The following ARMH4 variants were observed in gnomAD, a reference collection of about 807,000 sequenced individuals.
ARMH4 encodes the protein armadillo-like helical domain-containing protein 4.
In ARMH4, 49 loss-of-function variants were observed where a neutral mutation model predicts 61.9. The observed-to-expected ratio is 0.79, with a 90% CI of 0.63 to 1.00. The LOEUF (loss-of-function observed/expected upper bound fraction) is 1.00, where lower values mean the gene tolerates loss of function less well. Ranked by LOEUF, ARMH4 falls within the 50% of genes least tolerant of loss-of-function variation. The pLI is 0.00. For synonymous variants in ARMH4, 368 were observed against 341.5 expected, an observed-to-expected ratio of 1.08 and a Z score of -0.85; for missense variants, 934 against 930.0, an observed-to-expected ratio of 1.00 and a Z score of -0.06.
At chr14:58,074,131 G>A (rs567965065) in intron 5 of ARMH4, among the ~76,000 whole-genome samples, 1 of 152,314 alleles carries the variant, frequency 6.6e-6, no homozygotes, top group East Asian at 1.9e-4. Flanking sequence ...CTTGATTCAA[G>A]CTTTTGCTTA....
Position 58,009,827 on chromosome 14 carries a change from AAGAGAG to A in ARMH4, c.2121+2286_2121+2291del, listed in dbSNP as rs1325956245. Among the ~76,000 whole-genome samples, 938 of 131,582 alleles carry A rather than the reference AAGAGAG, an allele frequency of 7.1e-3. 35 individuals are homozygous for A. Among genetic ancestry groups the A allele is most frequent in the Middle Eastern group, 0.023 (6 of 260 alleles). The allele number at this position is 131,582 out of a possible 152,430, so 86.3% of individuals were successfully genotyped here. On this transcript the variant is annotated intron_variant, in intron 6 of 7. Coordinates refer to ENST00000267485, the MANE Select transcript of ARMH4 (RefSeq NM_001001872.4). ...CTCTGCAAAAAAAAAAAAAAAAAAA[AAGAGAG>A]AGAGAGAGAGATAACAAACTTCTAT...
intron 5 of ARMH4, among the ~76,000 whole-genome samples, chr14:58,071,492 T>C (rs1181362094): frequency 1.3e-5 from 2 of 152,242 alleles, no homozygotes; most frequent in African/African-American, 4.8e-5. Flanking sequence ...CAGTTCTTTA[T>C]TGCCAGTCAG....
In ARMH4 at chr14:58,005,076, C is replaced by A; in HGVS notation, c.2228G>T (p.Arg743Ile). 1.2e-6 allele frequency: 2 copies of A among 1,614,038 alleles called. No homozygotes were observed. The highest frequency in any genetic ancestry group is 1.7e-6 in the Non-Finnish European group (2 of 1,179,944). ...TCTTTTATGCCTTTTGAAGCCATTT[C>A]TCCTTCGGCGATTCATAACCTTAAT... Reference protein sequence around the residue: ...YSIKVMNRRRRNGFKRHKRKQ... With the variant: ...YSIKVMNRRRINGFKRHKRKQ... Residue 743 changes from arginine (R) to isoleucine (I), a missense_variant, in exon 7 of 8, where the codon AGA (arginine) becomes ATA (isoleucine). By Grantham distance (97) the Arg-to-Ile change is moderately conservative. Coordinates refer to ENST00000267485, the MANE Select transcript of ARMH4 (RefSeq NM_001001872.4).
chr14:58,018,691 A>G (rs963613575), intron 5 of ARMH4, among the ~76,000 whole-genome samples: 7 of 152,250 alleles, frequency 4.6e-5, no homozygotes, highest in African/African-American at 1.7e-4. Context: ...CAGTTGGTAC[A>G]GCCATTATAG....
chr14:58,137,861 A>T, intron 2 of ARMH4, 129 bp downstream of exon 2: 1 of 926,728 alleles, frequency 1.1e-6, no homozygotes, highest in Non-Finnish European at 1.6e-6. Flanking sequence ...TGCTGGGATT[A>T]TAGGCATGAG....
intron 5 of ARMH4, among the ~76,000 whole-genome samples, chr14:58,065,533 G>A (rs759061750): frequency 6.6e-6 from 1 of 152,214 alleles, no homozygotes; most frequent in Non-Finnish European, 1.5e-5. Context: ...CCTTAAGAAT[G>A]AGCCTGTTTC....
chr14:58,103,904 C>T (rs886644854), intron 4 of ARMH4, among the ~76,000 whole-genome samples: 1 of 152,188 alleles, frequency 6.6e-6, no homozygotes, highest in Non-Finnish European at 1.5e-5. Context: ...CCACCAAAGA[C>T]AACTTGGTCC....
At chr14:58,054,058 C>G (rs928416963) in intron 5 of ARMH4, among the ~76,000 whole-genome samples, 1 of 152,164 alleles carries the variant, frequency 6.6e-6, no homozygotes, top group African/African-American at 2.4e-5. Context: ...AGTATTTAAT[C>G]TACTATCCCC....
intron 2 of ARMH4, among the ~76,000 whole-genome samples, chr14:58,135,324 C>CT (rs1487953332): frequency 3.3e-5 from 5 of 152,238 alleles, no homozygotes; most frequent in African/African-American, 1.2e-4. Flanking sequence ...CTTTCTGTAC[C>CT]TCTAGCACAT....
chr14:58,112,114 G>A (rs148011988), intron 4 of ARMH4, among the ~76,000 whole-genome samples: 98 of 152,206 alleles, frequency 6.4e-4, no homozygotes, highest in African/African-American at 2.3e-3. Flanking sequence ...TAGTGATTAA[G>A]TCTTCAACAA....
intron 5 of ARMH4, among the ~76,000 whole-genome samples, chr14:58,067,265 T>C (rs1241296034): frequency 6.6e-6 from 1 of 152,166 alleles, no homozygotes; most frequent in Non-Finnish European, 1.5e-5. Flanking sequence ...AACAAAAATG[T>C]ATTGAGAGTC....
At chr14:58,134,235 G>A (rs1203265117) in intron 2 of ARMH4, among the ~76,000 whole-genome samples, 2 of 152,138 alleles carry the variant, frequency 1.3e-5, no homozygotes, top group African/African-American at 2.4e-5. Flanking sequence ...TACTAACTAT[G>A]CCCAAGGAAC....
chr14:58,132,634 G>A (rs1171615275), intron 3 of ARMH4, among the ~76,000 whole-genome samples: 5 of 126,858 alleles, frequency 3.9e-5, no homozygotes, highest in African/African-American at 1.5e-4. Context: ...TCACCAAGCC[G>A]GAGTGCAGTG....
At chr14:58,145,558 G>A (rs1887708601) in intron 1 of ARMH4, among the ~76,000 whole-genome samples, 1 of 152,168 alleles carries the variant, frequency 6.6e-6, no homozygotes, top group Non-Finnish European at 1.5e-5. Context: ...CAGCCCCACT[G>A]CCTTTCCAAA....
intron 5 of ARMH4, among the ~76,000 whole-genome samples, chr14:58,032,501 AG>A (rs1883282753): frequency 6.6e-6 from 1 of 152,254 alleles, no homozygotes; most frequent in Admixed American, 6.5e-5. Context: ...TAAAATACAT[AG>A]AAAAATACAT....
intron 5 of ARMH4, among the ~76,000 whole-genome samples, chr14:58,062,858 G>C (rs1301522818): frequency 2.0e-5 from 3 of 152,232 alleles, no homozygotes; most frequent in Non-Finnish European, 4.4e-5. Flanking sequence ...AATTTTAGGA[G>C]AGTGGAGTGA....
Position 58,138,649 on chromosome 14 carries a change from G to A in ARMH4, c.710C>T (p.Pro237Leu), listed in dbSNP as rs761612857. The A allele has an allele frequency of 2.5e-6, 4 of 1,614,184 alleles. No individual in the cohort carries two copies. Among genetic ancestry groups the A allele is most frequent in the Non-Finnish European group, 3.4e-6 (4 of 1,180,014 alleles). Residue 237 changes from proline to leucine, a missense_variant, in exon 2 of 8, where the codon CCT (proline) becomes CTT (leucine). Pro to Leu is a moderately conservative substitution (Grantham distance 98). Transcript: ENST00000267485. ...ADTDHRTTSF[P>L]GAESTAGSEP... ...ACTGCCTGCTGTGGACTCAGCACCA[G>A]GAAAAGAAGTTGTCCTGTGGTCTGT...
chr14:58,017,460 A>G (rs986419638), intron 5 of ARMH4, among the ~76,000 whole-genome samples: 13 of 152,236 alleles, frequency 8.5e-5, no homozygotes, highest in African/African-American at 3.1e-4. Context: ...CAAAATCAAC[A>G]TGCACAAATC....
At chr14:58,022,326 C>T (rs543238975) in intron 5 of ARMH4, among the ~76,000 whole-genome samples, 4 of 152,226 alleles carry the variant, frequency 2.6e-5, no homozygotes, top group East Asian at 1.9e-4. Flanking sequence ...TCAGAAAGAC[C>T]GTTGTGATAA....
Sources: gnomAD v4.1 joint callset for allele counts (sites outside exome capture counted in the v4.1 genomes callset) on GRCh38, gnomAD v4.1.1 for gene constraint, MANE v1.5 for transcripts, NCBI Gene and HGNC (gene_info 2026-07-23, HGNC 2026-07-21) for gene names.